DNAH11: variants seen among roughly 807,000 people sequenced by gnomAD.
DNAH11 encodes the protein dynein axonemal heavy chain 11.
DNAH11 carries 442 observed loss-of-function variants against 526.0 expected under a neutral mutation model. The observed-to-expected ratio is 0.84, with a 90% CI of 0.78 to 0.91. DNAH11 has a LOEUF of 0.91. DNAH11 is among the 40% of genes least tolerant of loss of function. DNAH11 has a pLI of 0.00. For missense variants in DNAH11, 6,989 were observed against 5,448.7 expected (o/e 1.28, Z -8.90); for synonymous variants, 2,461 against 1,935.9 (o/e 1.27, Z -7.12).
intron 45 of DNAH11, among the ~76,000 whole-genome samples, chr7:21,733,352 C>T (rs940099644): frequency 2.0e-5 from 3 of 152,164 alleles, no homozygotes; most frequent in Non-Finnish European, 4.4e-5. Context: ...CGTGCCACTG[C>T]ACTCCAGCCT....
chr7:21,712,340 A>T (rs1784493798), intron 42 of DNAH11, among the ~76,000 whole-genome samples: 1 of 152,228 alleles, frequency 6.6e-6, no homozygotes, highest in Non-Finnish European at 1.5e-5. Context: ...TGCTGTAAAC[A>T]TGGGTATACA....
chr7:21,691,666 G>T (rs1489666787), intron 35 of DNAH11, among the ~76,000 whole-genome samples: 1 of 152,128 alleles, frequency 6.6e-6, no homozygotes, highest in Non-Finnish European at 1.5e-5. Flanking sequence ...AGATATTACA[G>T]TAGGCATGAT....
In DNAH11 at chr7:21,698,564, C is replaced by T. The variant is rs77387627; in HGVS notation, c.6180+351C>T. Among the ~76,000 whole-genome samples the T allele has an allele frequency of 1.6e-3, 243 of 152,198 alleles. 3 individuals are homozygous for T. In the South Asian group the frequency reaches 0.049, roughly 31 times the overall value. Reference sequence around the variant, plus strand: ...GCTCCCACTTATAAGTGAGAACATACGATATTTGGCTTTCCATTCCTGAGT... The same window carrying T: ...GCTCCCACTTATAAGTGAGAACATATGATATTTGGCTTTCCATTCCTGAGT... On this transcript the variant is annotated intron_variant, in intron 36 of 81. Transcript: ENST00000409508.
chr7:21,738,171 A>G (rs1785699411), intron 46 of DNAH11, among the ~76,000 whole-genome samples: 2 of 152,184 alleles, frequency 1.3e-5, no homozygotes, highest in Non-Finnish European at 2.9e-5. Context: ...ATATAGACAC[A>G]GGAAGAAATG....
At chr7:21,764,671 G>A (rs1583670458) in intron 54 of DNAH11, among the ~76,000 whole-genome samples, 1 of 152,156 alleles carries the variant, frequency 6.6e-6, no homozygotes, top group Non-Finnish European at 1.5e-5. Context: ...CTCTCACTGA[G>A]TTTCTGTGAC....
chr7:21,614,219 T>C lies in DNAH11; in HGVS notation c.3853-895T>C, dbSNP rs114503456. On this transcript the variant is annotated intron_variant, in intron 20 of 81. Transcript: ENST00000409508. Reference sequence around the variant, plus strand: ...CAAAGAAACTAAAGTAATACAATTGTTGGATCTTGGGAGGAGGATGGGAGA... The same window carrying C: ...CAAAGAAACTAAAGTAATACAATTGCTGGATCTTGGGAGGAGGATGGGAGA... Among the ~76,000 whole-genome samples the C allele has an allele frequency of 2.0e-3, 309 of 152,338 alleles. 2 individuals are homozygous for C. The highest frequency in any genetic ancestry group is 7.2e-3 in the African/African-American group (300 of 41,572).
chr7:21,836,271 A>G lies in DNAH11; in HGVS notation c.10692-6273A>G, dbSNP rs148312526. 9.8e-5 allele frequency among the ~76,000 whole-genome samples: 15 copies of G among 152,300 alleles called. No homozygotes were observed. In the East Asian group the frequency reaches 2.7e-3, roughly 27 times the overall value. ...ACCATCCTGAAATTTATATGGAATCAGAGAAGACTCCAAATAGCCAAACCA... is the reference window on the plus strand; with the variant it reads ...ACCATCCTGAAATTTATATGGAATCGGAGAAGACTCCAAATAGCCAAACCA... On this transcript the variant is annotated intron_variant, in intron 65 of 81. Transcript: ENST00000409508.
chr7:21,681,496 A>C (rs757763551), intron 30 of DNAH11, 50 bp from the exon 31 acceptor site: 36 of 1,575,244 alleles, frequency 2.3e-5, no homozygotes, highest in Non-Finnish European at 2.9e-5. Flanking sequence ...GGGCTCTTAA[A>C]TTCTGTATTT....
chr7:21,727,871 G>A (rs1237369830), intron 45 of DNAH11, among the ~76,000 whole-genome samples: 1 of 152,126 alleles, frequency 6.6e-6, no homozygotes, highest in Non-Finnish European at 1.5e-5. Context: ...GACACTGAGG[G>A]GTTTTGTTTC....
At chr7:21,789,815 TCTTTCTTTC>T (rs1788378897) in intron 61 of DNAH11, among the ~76,000 whole-genome samples, 1 of 78,520 alleles carries the variant, frequency 1.3e-5, no homozygotes, top group East Asian at 3.2e-4. Flanking sequence ...CTTTTTTCTT[TCTTTCTTTC>T]TTTCTTTCTT....
intron 65 of DNAH11, among the ~76,000 whole-genome samples, chr7:21,824,555 A>C (rs908624509): frequency 6.6e-6 from 1 of 152,232 alleles, no homozygotes; most frequent in Non-Finnish European, 1.5e-5. Flanking sequence ...TAAAAGATCT[A>C]AATAGACATT....
intron 25 of DNAH11, among the ~76,000 whole-genome samples, chr7:21,621,442 A>C (rs1188083316): frequency 6.6e-6 from 1 of 152,192 alleles, no homozygotes; most frequent in Admixed American, 6.5e-5. Flanking sequence ...AATCAATAGA[A>C]AAAGAGGAAA....
At chr7:21,746,039 T>C (rs1786136537) in intron 51 of DNAH11, among the ~76,000 whole-genome samples, 1 of 152,192 alleles carries the variant, frequency 6.6e-6, no homozygotes, top group African/African-American at 2.4e-5. Flanking sequence ...TACGAAGTAT[T>C]TCCTTGTAAC....
intron 18 of DNAH11, among the ~76,000 whole-genome samples, chr7:21,605,614 C>G (rs1785249012): frequency 6.6e-6 from 1 of 152,208 alleles, no homozygotes; most frequent in African/African-American, 2.4e-5. Context: ...AACTCTCCAA[C>G]AAGAAGGAGA....
Position 21,697,561 on chromosome 7 carries a change from C to T in DNAH11, c.6042-514C>T, listed in dbSNP as rs1254403187. ...TATTTATTTTACTGGTATTTATGCT[C>T]TTGAGGTTATTTCTGTCTATTGTGT... On this transcript the variant is annotated intron_variant, in intron 35 of 81. Transcript: ENST00000409508. 2.6e-5 allele frequency among the ~76,000 whole-genome samples: 4 copies of T among 152,162 alleles called. No homozygotes were observed. The East Asian group carries it at 7.7e-4, about 29-fold the overall frequency.
At chr7:21,694,827 G>C (rs548813141) in intron 35 of DNAH11, among the ~76,000 whole-genome samples, 121 of 152,274 alleles carry the variant, frequency 7.9e-4, no homozygotes, top group African/African-American at 2.8e-3. Context: ...CAGTGTAAAA[G>C]CATTCCTATT....
intron 5 of DNAH11, 32 bp from the exon 6 acceptor site, chr7:21,564,154 G>C: frequency 7.2e-7 from 1 of 1,390,878 alleles, no homozygotes; most frequent in Non-Finnish European, 9.6e-7. Context: ...AAACAAACCA[G>C]AATCACGTTA....
rs183882452 is a variant in DNAH11, at chr7:21,696,563, A to G, written c.6042-1512A>G. 7.9e-5 allele frequency among the ~76,000 whole-genome samples: 12 copies of G among 152,318 alleles called. No individual in the cohort carries two copies. The East Asian group carries it at 2.1e-3, about 27-fold the overall frequency. ...AAACTGTGTGCATTTCCAGTATCCT[A>G]TTTGTGACCCAATTTATCTCATACT... is the stretch of plus-strand genomic sequence containing the variant. On this transcript the variant is annotated intron_variant, in intron 35 of 81. Transcript: ENST00000409508.
In DNAH11 at chr7:21,771,534, T is replaced by C. The variant is rs556940514; in HGVS notation, c.9103-2232T>C. On this transcript the variant is annotated intron_variant, in intron 55 of 81. Coordinates refer to ENST00000409508, the MANE Select transcript of DNAH11 (RefSeq NM_001277115.2). The stretch of plus-strand genomic sequence containing the variant: ...GTAGAAATTAAACACGTTTTCTTAA[T>C]GTGAGGGAAAGCAGTTTCATCTTTG... Among the ~76,000 whole-genome samples the C allele has an allele frequency of 2.0e-5, 3 of 152,318 alleles. No homozygotes were observed. In the East Asian group the frequency reaches 5.8e-4, roughly 29 times the overall value.
Sources: gnomAD v4.1 joint callset for allele counts (sites outside exome capture counted in the v4.1 genomes callset) on GRCh38, gnomAD v4.1.1 for gene constraint, MANE v1.5 for transcripts, NCBI Gene and HGNC (gene_info 2026-07-23, HGNC 2026-07-21) for gene names.